The following DMC1 variants were observed in gnomAD, a reference collection of about 807,000 sequenced individuals.
The protein encoded by DMC1 is meiotic recombination protein DMC1 homolog.
In DMC1, 27 loss-of-function variants were observed where a neutral mutation model predicts 50.1. That is an observed-to-expected ratio of 0.54 (90% CI 0.40 to 0.74). DMC1 has a LOEUF of 0.74. Ranked by LOEUF, DMC1 falls within the 30% of genes least tolerant of loss-of-function variation. The pLI is 0.00. For synonymous variants in DMC1, 148 were observed against 136.1 expected (o/e 1.09, Z -0.61); for missense variants, 295 against 420.2 (o/e 0.70, Z 2.60).
rs187208590 is a variant in DMC1 at position 38,553,220 on chromosome 22, C to T, written c.380-513G>A. On this transcript the variant is annotated intron_variant, in intron 6 of 13. Transcript: ENST00000216024. ...AGTCATATAAATGAAAGTTTAAGGC[C>T]GGGCGCGGTGGCTTATGCCTGTAAT... Among the ~76,000 whole-genome samples the T allele has an allele frequency of 6.0e-5, 9 of 150,662 alleles. No individual in the cohort carries two copies. The East Asian group carries it at 1.2e-3, about 20-fold the overall frequency.
At chr22:38,520,624 C>T (rs768991480) in intron 13 of DMC1, among the ~76,000 whole-genome samples, 15 of 151,890 alleles carry the variant, frequency 9.9e-5, no homozygotes, top group Non-Finnish European at 2.2e-4. Flanking sequence ...TCCCAAAGTA[C>T]TGGGATTACA....
intron 9 of DMC1, 149 bp downstream of exon 9, chr22:38,539,172 T>C: frequency 4.7e-6 from 3 of 633,900 alleles, no homozygotes; most frequent in Non-Finnish European, 8.4e-6. Flanking sequence ...TCTAAGGACT[T>C]ACCAGATGAT....
intron 2 of DMC1, 114 bp from the exon 3 acceptor site, chr22:38,567,741 G>A (rs1569173315): frequency 5.1e-6 from 4 of 780,412 alleles, no homozygotes; most frequent in African/African-American, 1.7e-5. Flanking sequence ...CTCAAATTCC[G>A]CTTCTCTAGA....
rs1272188574 is a variant in DMC1 at position 38,519,951 on chromosome 22, T to C, written c.*69A>G. 16 of 1,292,190 alleles carry C rather than the reference T, an allele frequency of 1.2e-5. No individual in the cohort carries two copies. Among genetic ancestry groups the C allele is most frequent in the Non-Finnish European group, 1.7e-5 (15 of 889,074 alleles). 80.0% of individuals were successfully genotyped at this position (1,292,190 alleles called of 1,614,324 possible). ...AAAACCTCTATTTCAAGATGTGAAA[T>C]TGGAGACTGCTTTTCCATTTCTTCA... is the stretch of plus-strand genomic sequence containing the variant. On this transcript the variant is annotated 3_prime_UTR_variant, in exon 14 of 14. Coordinates refer to ENST00000216024, the MANE Select transcript of DMC1 (RefSeq NM_007068.4).
At chr22:38,562,169 C>G in intron 5 of DMC1, 118 bp downstream of exon 5, 1 of 710,148 alleles carries the variant, frequency 1.4e-6, no homozygotes, top group African/African-American at 1.8e-5. Flanking sequence ...CAAACAAACC[C>G]AAACTTCAAA....
chr22:38,561,166 C>T (rs1295692066), intron 5 of DMC1, among the ~76,000 whole-genome samples: 1 of 151,828 alleles, frequency 6.6e-6, no homozygotes, highest in Non-Finnish European at 1.5e-5. Flanking sequence ...CACCATCACA[C>T]CCAGCTAATT....
chr22:38,515,812 A>C (rs5995587), downstream of DMC1, among the ~76,000 whole-genome samples: 4 of 152,048 alleles, frequency 2.6e-5, no homozygotes, highest in East Asian at 1.9e-4. Context: ...ATCAATCAAT[A>C]AATAAACAAA....
the DMC1 span, among the ~76,000 whole-genome samples, chr22:38,510,955 G>A: frequency 4.6e-5 from 7 of 152,202 alleles, no homozygotes; most frequent in African/African-American, 1.7e-4. Context: ...TCCTCAACCA[G>A]CTCTTCTAAT....
Position 38,553,947 on chromosome 22 carries a change from C to A in DMC1, c.380-1240G>T, listed in dbSNP as rs141613357. Among the ~76,000 whole-genome samples, 286 of 134,506 alleles carry A rather than the reference C, an allele frequency of 2.1e-3. 5 individuals are homozygous for A. The East Asian group carries it at 0.057, about 27-fold the overall frequency. 88.2% of individuals were successfully genotyped at this position (134,506 alleles called of 152,430 possible). On this transcript the variant is annotated intron_variant, in intron 6 of 13. Coordinates refer to ENST00000216024, the MANE Select transcript of DMC1 (RefSeq NM_007068.4). The stretch of plus-strand genomic sequence containing the variant: ...CTCCAGCCTGGGCAACAGAGCGAGA[C>A]TCCATCTCCAAAAAAAAAAAAAAAA...
At chr22:38,563,744 G>A (rs188590504) in intron 4 of DMC1, among the ~76,000 whole-genome samples, 1 of 151,054 alleles carries the variant, frequency 6.6e-6, no homozygotes. Flanking sequence ...CTGTCGCCCA[G>A]GCTGGAGTGC....
chr22:38,531,065 AAAG>A (rs1051216837), intron 12 of DMC1, among the ~76,000 whole-genome samples: 1 of 152,038 alleles, frequency 6.6e-6, no homozygotes, highest in Non-Finnish European at 1.5e-5. Context: ...AAACAAACAA[AAAG>A]AAGGTGACAT....
At chr22:38,524,702 C>G (rs1433271329) in intron 12 of DMC1, among the ~76,000 whole-genome samples, 1 of 152,182 alleles carries the variant, frequency 6.6e-6, no homozygotes, top group Non-Finnish European at 1.5e-5. Flanking sequence ...CAAGTGTCCT[C>G]CCTTCTAGGA....
At chr22:38,538,017 G>C (rs1379170000) in intron 11 of DMC1, among the ~76,000 whole-genome samples, 1 of 152,018 alleles carries the variant, frequency 6.6e-6, no homozygotes, top group Non-Finnish European at 1.5e-5. Flanking sequence ...GATGGCAGGT[G>C]CCTGTAATTC....
intron 12 of DMC1, among the ~76,000 whole-genome samples, chr22:38,527,064 C>T (rs766805095): frequency 2.0e-4 from 30 of 152,298 alleles, no homozygotes; most frequent in Non-Finnish European, 4.1e-4. Context: ...TGACAGCATA[C>T]CAGCCATTCC....
chr22:38,562,831 A>G (rs2090543670), intron 4 of DMC1, among the ~76,000 whole-genome samples: 2 of 151,628 alleles, frequency 1.3e-5, no homozygotes, highest in African/African-American at 2.4e-5. Flanking sequence ...ACACATATAT[A>G]CATATACACA....
At chr22:38,547,028 T>C (rs907349788) in intron 8 of DMC1, among the ~76,000 whole-genome samples, 9 of 152,232 alleles carry the variant, frequency 5.9e-5, no homozygotes, top group South Asian at 2.1e-4. Flanking sequence ...AAAATCTTTA[T>C]AGTTAAATCT....
downstream of DMC1, among the ~76,000 whole-genome samples, chr22:38,516,999 G>GT (rs929502205): frequency 2.0e-5 from 3 of 151,934 alleles, no homozygotes; most frequent in African/African-American, 4.8e-5. Flanking sequence ...ACTTTTGTTT[G>GT]TTTTTTGAGA....
intron 9 of DMC1, 68 bp from the exon 10 acceptor site, chr22:38,538,680 T>C: frequency 2.2e-6 from 3 of 1,345,082 alleles, no homozygotes; most frequent in Non-Finnish European, 3.2e-6. Flanking sequence ...TCATTCATAT[T>C]CTTGGGAGCC....
At chr22:38,510,213 C>T in the DMC1 span, among the ~76,000 whole-genome samples, 6 of 151,408 alleles carry the variant, frequency 4.0e-5, no homozygotes, top group East Asian at 9.8e-4. Context: ...CAGCACTTTG[C>T]GGGGCTGAGG....
Sources: gnomAD v4.1 joint callset for allele counts (sites outside exome capture counted in the v4.1 genomes callset) on GRCh38, gnomAD v4.1.1 for gene constraint, MANE v1.5 for transcripts, NCBI Gene and HGNC (gene_info 2026-07-23, HGNC 2026-07-21) for gene names.